The following MAP1B variants were observed in gnomAD, a reference collection of about 807,000 sequenced individuals.
The protein encoded by MAP1B is microtubule-associated protein 1B.
In MAP1B, 12 loss-of-function variants were observed where a neutral mutation model predicts 176.1. The observed-to-expected ratio is 0.07, with a 90% CI of 0.04 to 0.11. MAP1B has a LOEUF of 0.11. Among genes scored for constraint, MAP1B ranks in the 10% least tolerant of loss-of-function variants. MAP1B has a pLI of 1.00. For synonymous variants in MAP1B, 1,044 were observed against 1,135.0 expected (o/e 0.92, Z 1.61); for missense variants, 2,523 against 2,990.5 (o/e 0.84, Z 3.65).
intron 2 of MAP1B, among the ~76,000 whole-genome samples, chr5:72,162,484 A>G (rs144532226): frequency 6.6e-6 from 1 of 152,292 alleles, no homozygotes; most frequent in African/African-American, 2.4e-5. Flanking sequence ...GACATCCTGA[A>G]AAAGAAAGTT....
At chr5:72,193,561 G>A (rs1474310238) in intron 4 of MAP1B, among the ~76,000 whole-genome samples, 1 of 152,180 alleles carries the variant, frequency 6.6e-6, no homozygotes, top group East Asian at 1.9e-4. Context: ...CTGGAGCAGA[G>A]TACTGGCATT....
At chr5:72,157,930 C>T (rs1296454212) in intron 2 of MAP1B, among the ~76,000 whole-genome samples, 2 of 152,142 alleles carry the variant, frequency 1.3e-5, no homozygotes, top group African/African-American at 2.4e-5. Flanking sequence ...ACCTCAGCCT[C>T]CCGGGTCCAA....
chr5:72,165,418 A>G (rs1746409499), intron 2 of MAP1B, among the ~76,000 whole-genome samples: 2 of 152,250 alleles, frequency 1.3e-5, no homozygotes, highest in Admixed American at 1.3e-4. Context: ...CCCAGAATCT[A>G]AAATAAATCG....
intron 2 of MAP1B, among the ~76,000 whole-genome samples, chr5:72,153,810 C>T (rs1188980624): frequency 1.3e-5 from 2 of 152,104 alleles, no homozygotes; most frequent in Non-Finnish European, 2.9e-5. Context: ...ATGACAAAAA[C>T]GTCTCCAGGT....
intron 2 of MAP1B, among the ~76,000 whole-genome samples, chr5:72,141,473 G>A (rs998067749): frequency 2.0e-5 from 3 of 152,210 alleles, no homozygotes; most frequent in Non-Finnish European, 4.4e-5. Context: ...CCTGTCTCTG[G>A]ACTGAATGGG....
intron 2 of MAP1B, among the ~76,000 whole-genome samples, chr5:72,151,709 G>A (rs1238655118): frequency 6.6e-6 from 1 of 152,160 alleles, no homozygotes; most frequent in Non-Finnish European, 1.5e-5. Flanking sequence ...ACTGAAATAG[G>A]TGTGGTCCCA....
chr5:72,165,388 A>G (rs1308336593), intron 2 of MAP1B, among the ~76,000 whole-genome samples: 1 of 152,224 alleles, frequency 6.6e-6, no homozygotes, highest in Non-Finnish European at 1.5e-5. Context: ...AAGTCATAGA[A>G]TATACGTCAA....
At chr5:72,169,685 T>C (rs1405017553) in intron 2 of MAP1B, 2 of 154,338 alleles carry the variant, frequency 1.3e-5, no homozygotes, top group African/African-American at 4.8e-5. Context: ...AATTGCCACC[T>C]TCACAGGAAG....
chr5:72,200,498 AC>A, intron 5 of MAP1B, 131 bp downstream of exon 5: 2 of 1,162,296 alleles, frequency 1.7e-6, no homozygotes, highest in South Asian at 3.0e-5. Flanking sequence ...CCTTCCCTGT[AC>A]TCTTCTCCTC....
At chr5:72,160,010 C>G in intron 2 of MAP1B, among the ~76,000 whole-genome samples, 1 of 152,138 alleles carries the variant, frequency 6.6e-6, no homozygotes, top group East Asian at 1.9e-4. Context: ...AATGTGATGA[C>G]TCTTTTAGTT....
intron 2 of MAP1B, among the ~76,000 whole-genome samples, chr5:72,121,636 C>T (rs984241635): frequency 1.2e-4 from 19 of 152,152 alleles, no homozygotes; most frequent in Non-Finnish European, 4.4e-5. Context: ...TAATGAGGCA[C>T]GGGTTACAAC....
intron 2 of MAP1B, among the ~76,000 whole-genome samples, chr5:72,171,857 A>G (rs1746548085): frequency 6.6e-6 from 1 of 152,174 alleles, no homozygotes; most frequent in Non-Finnish European, 1.5e-5. Context: ...GCCATGACTG[A>G]ACAACACAGG....
intron 2 of MAP1B, among the ~76,000 whole-genome samples, chr5:72,150,223 T>C (rs1234268781): frequency 6.6e-6 from 1 of 152,274 alleles, no homozygotes; most frequent in African/African-American, 2.4e-5. Flanking sequence ...ATTTTTACTT[T>C]ATTAGATATG....
intron 2 of MAP1B, among the ~76,000 whole-genome samples, chr5:72,130,214 G>T (rs1390385334): frequency 6.6e-6 from 1 of 151,100 alleles, no homozygotes; most frequent in Admixed American, 6.6e-5. Flanking sequence ...ACAAAAAGAC[G>T]AAAGGGCTTA....
intron 1 of MAP1B, among the ~76,000 whole-genome samples, chr5:72,113,761 T>A (rs1249875457): frequency 1.3e-5 from 2 of 152,194 alleles, no homozygotes; most frequent in Non-Finnish European, 2.9e-5. Context: ...CAGTCAACAA[T>A]ACCAATTAAG....
At chr5:72,122,641 CT>C (rs35175622) in intron 2 of MAP1B, among the ~76,000 whole-genome samples, 2,681 of 138,414 alleles carry the variant, frequency 0.019, 36 homozygotes, top group African/African-American at 0.045. Context: ...ATTCATCTCA[CT>C]TTTTTTTTTT....
intron 2 of MAP1B, among the ~76,000 whole-genome samples, chr5:72,123,097 A>G (rs2112130762): frequency 6.6e-6 from 1 of 152,324 alleles, no homozygotes; most frequent in African/African-American, 2.4e-5. Flanking sequence ...GTGGAAGATG[A>G]AGAATAAAGC....
intron 1 of MAP1B, among the ~76,000 whole-genome samples, chr5:72,108,497 CG>C (rs1457821052): frequency 6.6e-6 from 1 of 152,254 alleles, no homozygotes; most frequent in Non-Finnish European, 1.5e-5. Flanking sequence ...GAGACGTCAG[CG>C]GGTAGGGTCA....
intron 2 of MAP1B, among the ~76,000 whole-genome samples, chr5:72,170,348 CAAG>C (rs1476586039): frequency 6.6e-6 from 1 of 152,136 alleles, no homozygotes; most frequent in Non-Finnish European, 1.5e-5. Flanking sequence ...GAAGCTTTTA[CAAG>C]AAGGTCAGCT....
Sources: allele counts gnomAD v4.1 joint callset (sites outside exome capture counted in the v4.1 genomes callset), GRCh38; gene constraint gnomAD v4.1.1; transcripts MANE v1.5; gene names NCBI Gene and HGNC (gene_info 2026-07-23, HGNC 2026-07-21).